The following KANK4 variants were observed in gnomAD, a reference collection of about 807,000 sequenced individuals.
KANK4 encodes KN motif and ankyrin repeat domains 4, also known as KN motif and ankyrin repeat domain-containing protein 4.
A neutral mutation model predicts 80.8 loss-of-function variants in KANK4; 50 were observed. The observed-to-expected ratio is 0.62, with a 90% CI of 0.49 to 0.78. KANK4 has a LOEUF of 0.78. Ranked by LOEUF, KANK4 falls within the 30% of genes least tolerant of loss-of-function variation. KANK4 has a pLI of 0.00. For synonymous variants in KANK4, 465 were observed against 506.9 expected (o/e 0.92, Z 1.11); for missense variants, 1,196 against 1,240.1 (o/e 0.96, Z 0.53).
chr1:62,273,592 T>C lies in KANK4; in HGVS notation c.1512A>G (p.Ala504=), dbSNP rs942042266. ...GAGGGCCTCCTTCCTGTTCAGTGCC[T>C]GCTTCTTCAATCCTGAGTTCAGTGG... is the stretch of plus-strand genomic sequence containing the variant. ...FLSTELRIEE[A]GTEQEGGPQG... Residue 504 remains alanine, a synonymous_variant, in exon 3 of 10, where the codon GCA becomes GCG. Coordinates refer to ENST00000371153, the MANE Select transcript of KANK4 (RefSeq NM_181712.5). The C allele has an allele frequency of 1.2e-6, 2 of 1,614,172 alleles. No individual in the cohort carries two copies. Among genetic ancestry groups the C allele is most frequent in the Non-Finnish European group, 1.7e-6 (2 of 1,180,020 alleles).
chr1:62,284,714 G>C (rs1399618057), intron 1 of KANK4, among the ~76,000 whole-genome samples: 1 of 152,062 alleles, frequency 6.6e-6, no homozygotes, highest in East Asian at 1.9e-4. Context: ...ATTTGTTTTT[G>C]TCCTATGCCA....
rs1201215484 is a variant in KANK4, at chr1:62,275,066, C to G, written c.38G>C (p.Gly13Ala). 3.1e-6 allele frequency: 5 copies of G among 1,609,676 alleles called. No individual in the cohort carries two copies. The highest frequency in any genetic ancestry group is 2.2e-5 in the East Asian group (1 of 44,806). The stretch of plus-strand genomic sequence containing the variant: ...CTTCGGAGGGTCTTTCTCTTCATCC[C>G]CCTGAGAGGACTGGTCTTTGGCTGG... ...KTDAKDQSSQ[G>A]DEEKDPPKSH... The change falls in exon 3 of 10, where the codon GGG (glycine) becomes GCG (alanine). Residue 13 changes from glycine to alanine, a missense_variant. Physicochemically the swap from Gly to Ala is moderately conservative, Grantham distance 60. Coordinates refer to ENST00000371153, the MANE Select transcript of KANK4 (RefSeq NM_181712.5).
Position 62,236,823 on chromosome 1 carries a change from C to T in KANK4, c.*1454G>A, listed in dbSNP as rs1406392448. 2.0e-5 allele frequency among the ~76,000 whole-genome samples: 3 copies of T among 151,936 alleles called. No homozygotes were observed. The highest frequency in any genetic ancestry group is 2.1e-4 in the South Asian group (1 of 4,810). ...GTATGTCAGGCTGGTCTCAAACTCC[C>T]GACCTCAGGTGATCCACCTGCCTCG... On this transcript the variant is annotated 3_prime_UTR_variant, in exon 10 of 10. Transcript: ENST00000371153.
At chr1:62,312,531 C>G (rs1238689447) in intron 1 of KANK4, among the ~76,000 whole-genome samples, 1 of 152,194 alleles carries the variant, frequency 6.6e-6, no homozygotes, top group Non-Finnish European at 1.5e-5. Flanking sequence ...TTTCTGAGTT[C>G]CAGCTCACCC....
chr1:62,253,178 A>G lies in KANK4; in HGVS notation c.2571T>C (p.Ala857=). The G allele has an allele frequency of 1.2e-6, 2 of 1,612,294 alleles. No individual in the cohort carries two copies. The highest frequency in any genetic ancestry group is 4.5e-5 in the East Asian group (2 of 44,828). The change falls in exon 8 of 10, where the codon GCT becomes GCC. Residue 857 remains alanine, a synonymous_variant. Transcript: ENST00000371153. ...GVCNVDHQNK[A]GYTAVMITPL... ...GAGTGATCATTACGGCAGTGTAGCC[A>G]GCTTTGTTCTGATGGTCCACATTGC...
At chr1:62,295,231 C>T (rs1347362266) in intron 1 of KANK4, among the ~76,000 whole-genome samples, 2 of 152,114 alleles carry the variant, frequency 1.3e-5, no homozygotes, top group South Asian at 2.1e-4. Context: ...CTTCACCTCC[C>T]GGGTTCAAGC....
chr1:62,242,625 G>T (rs1434649389), intron 9 of KANK4, among the ~76,000 whole-genome samples: 1 of 152,138 alleles, frequency 6.6e-6, no homozygotes, highest in Non-Finnish European at 1.5e-5. Context: ...TCCTCAAATT[G>T]TCTTTAAATC....
intron 7 of KANK4, among the ~76,000 whole-genome samples, chr1:62,256,603 G>A (rs1456869976): frequency 1.3e-5 from 2 of 152,002 alleles, no homozygotes; most frequent in South Asian, 2.1e-4. Context: ...GGTTGGTCTC[G>A]AACTCCCGAC....
intron 1 of KANK4, among the ~76,000 whole-genome samples, chr1:62,302,520 G>A (rs879711605): frequency 4.6e-5 from 7 of 152,058 alleles, no homozygotes; most frequent in African/African-American, 7.2e-5. Context: ...AAATTCGTAT[G>A]TTGAAATCCT....
chr1:62,238,765 G>A (rs1237414224), intron 9 of KANK4, among the ~76,000 whole-genome samples: 2 of 151,972 alleles, frequency 1.3e-5, no homozygotes, highest in Admixed American at 6.6e-5. Flanking sequence ...AAGTAGCTGG[G>A]ATTACAGGTA....
chr1:62,249,262 A>G (rs959636995), intron 8 of KANK4, among the ~76,000 whole-genome samples: 4 of 152,162 alleles, frequency 2.6e-5, no homozygotes, highest in Non-Finnish European at 5.9e-5. Context: ...AATGATGTAC[A>G]GTAATAATTT....
chr1:62,249,448 G>A (rs909889197), intron 8 of KANK4, among the ~76,000 whole-genome samples: 2 of 150,908 alleles, frequency 1.3e-5, no homozygotes, highest in Admixed American at 6.6e-5. Context: ...GCATGATCGC[G>A]ACTCACTGCA....
At chr1:62,250,636 G>A (rs1057051628) in intron 8 of KANK4, among the ~76,000 whole-genome samples, 9 of 152,166 alleles carry the variant, frequency 5.9e-5, no homozygotes, top group Admixed American at 2.0e-4. Context: ...TACAGCATCA[G>A]TTTCTTCTCT....
At chr1:62,269,339 CCA>C (rs1570995079) in intron 4 of KANK4, among the ~76,000 whole-genome samples, 1 of 152,178 alleles carries the variant, frequency 6.6e-6, no homozygotes, top group Non-Finnish European at 1.5e-5. Flanking sequence ...TTGGACACAG[CCA>C]CAGAGACTGG....
Position 62,267,159 on chromosome 1 carries a change from C to G in KANK4, c.2232-340G>C, listed in dbSNP as rs74076437. ...TCCTGGCATGCTGGGAAGGGGAGGC[C>G]TGTCTTTCTGACTTTGAACCAAACA... is the stretch of plus-strand genomic sequence containing the variant. On this transcript the variant is annotated intron_variant, in intron 5 of 9. Transcript: ENST00000371153. Among the ~76,000 whole-genome samples the G allele has an allele frequency of 2.8e-3, 430 of 152,242 alleles. 3 individuals are homozygous for G. Among genetic ancestry groups the G allele is most frequent in the African/African-American group, 0.01 (417 of 41,536 alleles).
At chr1:62,255,076 C>A (rs1031744054) in intron 7 of KANK4, among the ~76,000 whole-genome samples, 7 of 145,210 alleles carry the variant, frequency 4.8e-5, no homozygotes, top group Non-Finnish European at 9.1e-5. Flanking sequence ...TAGTAGAGAC[C>A]GGGTTTCACC....
intron 9 of KANK4, among the ~76,000 whole-genome samples, chr1:62,239,074 T>C (rs898128522): frequency 6.6e-6 from 1 of 151,032 alleles, no homozygotes; most frequent in Admixed American, 6.6e-5. Context: ...TTCTTTTTTT[T>C]TTTTTAATTT....
intron 9 of KANK4, among the ~76,000 whole-genome samples, chr1:62,238,851 A>G (rs1422978846): frequency 1.3e-5 from 2 of 151,950 alleles, no homozygotes; most frequent in African/African-American, 4.8e-5. Flanking sequence ...GCTGGTCTCA[A>G]ACTCCTGGGC....
rs770551628 is a variant in KANK4, at chr1:62,247,563, G to A, written c.2792C>T (p.Ser931Leu). The A allele has an allele frequency of 4.3e-6, 7 of 1,614,040 alleles. No homozygotes were observed. In the South Asian group the frequency reaches 4.4e-5, roughly 10 times the overall value. ...ATGGTGACAGGCCACCATGAGGGCC[G>A]AGGATCCATCGTGGTCCTGCAGATT... The part of the protein sequence containing the change: ...DVNLQDHDGS[S>L]ALMVACHHGN... Residue 931 changes from serine (S) to leucine (L), a missense_variant, in exon 9 of 10, where the codon TCG (serine) becomes TTG (leucine). Physicochemically the swap from Ser to Leu is moderately radical, Grantham distance 145. Around this residue, in one of 3 missense-constraint regions of KANK4, gnomAD observed 1,154 missense variants for 1,179.6 expected, o/e 0.98. Coordinates refer to ENST00000371153, the MANE Select transcript of KANK4 (RefSeq NM_181712.5).
Sources: gnomAD v4.1 joint callset for allele counts (sites outside exome capture counted in the v4.1 genomes callset) on GRCh38, gnomAD v4.1.1 for gene constraint, gnomAD v4.1.1 regional missense constraint, MANE v1.5 for transcripts, NCBI Gene and HGNC (gene_info 2026-07-23, HGNC 2026-07-21) for gene names.